The following CLDN10 variants were observed in gnomAD, a reference collection of about 807,000 sequenced individuals.
CLDN10 encodes claudin-10.
In CLDN10, 15 loss-of-function variants were observed where a neutral mutation model predicts 22.9. The ratio of observed to expected loss-of-function variants is 0.65; its 90% confidence interval spans 0.44 to 1.01. CLDN10 has a LOEUF of 1.01. Among genes scored for constraint, CLDN10 ranks in the 50% least tolerant of loss-of-function variants. CLDN10 has a pLI of 0.00. For synonymous variants in CLDN10, 114 were observed against 111.4 expected, an observed-to-expected ratio of 1.02 and a Z score of -0.15; for missense variants, 247 against 287.8, an observed-to-expected ratio of 0.86 and a Z score of 1.03.
chr13:95,556,860 A>C (rs764823329), intron 1 of CLDN10, among the ~76,000 whole-genome samples: 6 of 152,220 alleles, frequency 3.9e-5, no homozygotes, highest in African/African-American at 7.2e-5. Flanking sequence ...TTTTTTGCTG[A>C]TTTGCAATTG....
At chr13:95,456,886 A>G (rs1164581135) in intron 1 of CLDN10, among the ~76,000 whole-genome samples, 3 of 152,226 alleles carry the variant, frequency 2.0e-5, no homozygotes, top group Admixed American at 2.0e-4. Context: ...CTATTCTCCA[A>G]GGGAGATTTA....
intron 1 of CLDN10, among the ~76,000 whole-genome samples, chr13:95,515,289 C>T (rs2043152225): frequency 6.6e-6 from 1 of 152,108 alleles, no homozygotes; most frequent in African/African-American, 2.4e-5. Flanking sequence ...ACCTCCACTT[C>T]CTGGGTTCAA....
intron 1 of CLDN10, among the ~76,000 whole-genome samples, chr13:95,447,800 T>C (rs2042395159): frequency 6.6e-6 from 1 of 151,990 alleles, no homozygotes; most frequent in African/African-American, 2.4e-5. Context: ...TGGAAAAATA[T>C]GCATGTTATC....
In CLDN10 at chr13:95,560,239, G is replaced by T; in HGVS notation, c.328G>T (p.Asp110Tyr). The T allele has an allele frequency of 6.2e-7, 1 of 1,614,188 alleles. No individual in the cohort carries two copies. Among genetic ancestry groups the T allele is most frequent in the Non-Finnish European group, 8.5e-7 (1 of 1,180,020 alleles). ...GMKCTKVGGS[D>Y]KAKAKIACLA... ...GAAGTGTACCAAAGTCGGAGGCTCC[G>T]ATAAAGCCAAAGCTAAAATTGCTTG... The change falls in exon 2 of 5, where the codon GAT becomes TAT. Residue 110 changes from aspartate (D) to tyrosine (Y), a missense_variant. Coordinates refer to ENST00000299339, the MANE Select transcript of CLDN10 (RefSeq NM_006984.5).
At position 95,578,257 on chromosome 13, in the gene CLDN10, C is replaced by A; in HGVS notation, c.*243C>A. 1 of 304,602 alleles carries A rather than the reference C, an allele frequency of 3.3e-6. No homozygotes were observed. The highest frequency in any genetic ancestry group is 6.1e-5 in the South Asian group (1 of 16,352). The allele number at this position is 304,602 out of a possible 1,614,324, so 18.9% of individuals were successfully genotyped here. On this transcript the variant is annotated 3_prime_UTR_variant, in exon 5 of 5. Coordinates refer to ENST00000299339, the MANE Select transcript of CLDN10 (RefSeq NM_006984.5). ...TACAGGATTTGTAAAATGTTTTCTA[C>A]ATTTATATAGAACATGAAAAGCATT...
intron 3 of CLDN10, among the ~76,000 whole-genome samples, chr13:95,571,000 C>T (rs949601172): frequency 1.3e-5 from 2 of 150,974 alleles, no homozygotes; most frequent in Admixed American, 6.6e-5. Context: ...AAAGTAATTG[C>T]GTTTTTGTCA....
rs141567126 is a variant in CLDN10 at position 95,476,360 on chromosome 13, G to A, written c.214+42313G>A. 8.4e-4 allele frequency among the ~76,000 whole-genome samples: 128 copies of A among 152,248 alleles called. No homozygotes were observed. In the East Asian group the frequency reaches 0.01, roughly 12 times the overall value. ...CAAGGTGCTGATGGATTTGGTGTCC[G>A]GTGAGGGCTGCTTTCTGATTCACAG... On this transcript the variant is annotated intron_variant, in intron 1 of 4. Coordinates refer to the CLDN10 transcript ENST00000376873.
intron 1 of CLDN10, among the ~76,000 whole-genome samples, chr13:95,534,493 TATTTTAC>T (rs1328373898): frequency 2.0e-5 from 3 of 152,188 alleles, no homozygotes; most frequent in Non-Finnish European, 4.4e-5. Context: ...TATCTTTTGT[TATTTTAC>T]ATTTTTAAAA....
intron 1 of CLDN10, among the ~76,000 whole-genome samples, chr13:95,559,281 C>T (rs554525641): frequency 6.6e-6 from 1 of 152,130 alleles, no homozygotes; most frequent in Non-Finnish European, 1.5e-5. Flanking sequence ...AAAACCTGGA[C>T]AAAAGCCACA....
chr13:95,576,683 C>T (rs1247079800), intron 3 of CLDN10, among the ~76,000 whole-genome samples: 1 of 152,204 alleles, frequency 6.6e-6, no homozygotes, highest in Non-Finnish European at 1.5e-5. Context: ...CGGCAGAGCA[C>T]TGTCACCTGC....
intron 3 of CLDN10, among the ~76,000 whole-genome samples, chr13:95,561,129 C>A (rs1053591144): frequency 3.3e-5 from 5 of 152,098 alleles, no homozygotes; most frequent in Non-Finnish European, 2.9e-5. Context: ...GGGAAAACCC[C>A]AGGGATACCA....
chr13:95,434,022 G>T lies in CLDN10; in HGVS notation c.189G>T (p.Pro63=), dbSNP rs2042238682. 5.6e-6 allele frequency: 9 copies of T among 1,614,052 alleles called. No individual in the cohort carries two copies. The East Asian group carries it at 1.8e-4, about 32-fold the overall frequency. ...CGTTGGGTTCTTTCCATTGCCGACC[G>T]CATTTTACTATCTTCAAAGTAGCAG... is the stretch of plus-strand genomic sequence containing the variant. The change falls in exon 1 of 5, where the codon CCG becomes CCT. Residue 63 remains proline, a synonymous_variant. Transcript: ENST00000376873.
chr13:95,434,568 T>TATATATATATGCACACATGTGTGG, intron 1 of CLDN10, among the ~76,000 whole-genome samples: 1 of 150,390 alleles, frequency 6.6e-6, no homozygotes, highest in African/African-American at 2.5e-5. Context: ...CACATGTGTG[T>TATATATATATGCACACATGTGTGG]ATATATACAT....
intron 1 of CLDN10, among the ~76,000 whole-genome samples, chr13:95,506,054 A>G (rs2043035206): frequency 6.6e-6 from 1 of 152,118 alleles, no homozygotes. Context: ...TCTGTCTTCA[A>G]AGGAGAACTA....
intron 1 of CLDN10, among the ~76,000 whole-genome samples, chr13:95,446,152 G>A (rs1257356097): frequency 6.6e-6 from 1 of 152,132 alleles, no homozygotes; most frequent in Non-Finnish European, 1.5e-5. Context: ...CTCCGCAATG[G>A]GACAGGCTGT....
intron 1 of CLDN10, among the ~76,000 whole-genome samples, chr13:95,494,507 A>C (rs956357672): frequency 6.6e-6 from 1 of 152,244 alleles, no homozygotes; most frequent in Admixed American, 6.5e-5. Context: ...TGGAAAACGT[A>C]TTTCTTGGTG....
At chr13:95,523,041 A>G (rs1389615635) in intron 1 of CLDN10, among the ~76,000 whole-genome samples, 1 of 151,848 alleles carries the variant, frequency 6.6e-6, no homozygotes, top group Non-Finnish European at 1.5e-5. Context: ...GTTCATTTAC[A>G]TCTAATATAT....
intron 1 of CLDN10, among the ~76,000 whole-genome samples, chr13:95,529,444 A>G (rs1367139123): frequency 6.6e-6 from 1 of 152,184 alleles, no homozygotes; most frequent in Non-Finnish European, 1.5e-5. Context: ...GGAATTGTTA[A>G]GAACCATTCG....
intron 1 of CLDN10, among the ~76,000 whole-genome samples, chr13:95,537,708 G>T (rs1250408098): frequency 1.3e-5 from 2 of 152,110 alleles, no homozygotes; most frequent in African/African-American, 4.8e-5. Context: ...GCTTATTCTT[G>T]CTTCTGTAAC....
Sources: gnomAD v4.1 joint callset for allele counts (sites outside exome capture counted in the v4.1 genomes callset) on GRCh38, gnomAD v4.1.1 for gene constraint, MANE v1.5 for transcripts, NCBI Gene and HGNC (gene_info 2026-07-23, HGNC 2026-07-21) for gene names.